The following IL22RA2 variants were observed in gnomAD, a reference collection of about 807,000 sequenced individuals.
IL22RA2 encodes the protein interleukin 22 receptor subunit alpha 2, also known as interleukin-22 receptor subunit alpha-2.
IL22RA2 carries 39 observed loss-of-function variants against 30.7 expected under a neutral mutation model. That is an observed-to-expected ratio of 1.27 (90% confidence interval 0.98 to 1.66). The LOEUF is 1.66. Among genes scored for constraint, IL22RA2 ranks in the 40% most tolerant of loss-of-function variants. The pLI is 0.00. For synonymous variants in IL22RA2, 103 were observed against 105.0 expected (o/e 0.98, Z 0.11); for missense variants, 315 against 312.7 (o/e 1.01, Z -0.05).
chr6:137,153,630 T>G (rs1429347804), intron 5 of IL22RA2, among the ~76,000 whole-genome samples: 2 of 152,212 alleles, frequency 1.3e-5, no homozygotes. Flanking sequence ...GAGCGCCTCA[T>G]GCCATTTAAC....
chr6:137,149,739 A>T (rs1459248943), intron 5 of IL22RA2, among the ~76,000 whole-genome samples: 2 of 152,186 alleles, frequency 1.3e-5, no homozygotes, highest in Non-Finnish European at 2.9e-5. Context: ...AGGAAGTCAC[A>T]ACTCCTTAAA....
At position 137,145,719 on chromosome 6, in the gene IL22RA2, G is replaced by C. The variant is rs1165831693; in HGVS notation, c.697C>G (p.Pro233Ala). 2.5e-6 allele frequency: 4 copies of C among 1,613,806 alleles called. No homozygotes were observed. The highest frequency in any genetic ancestry group is 3.4e-6 in the Non-Finnish European group (4 of 1,179,810). Residue 233 changes from proline (P) to alanine (A), a missense_variant, in exon 7 of 7, where the codon CCA (proline) becomes GCA (alanine). Physicochemically the swap from Pro to Ala is conservative, Grantham distance 27 (BLOSUM62 -1). Transcript: ENST00000296980. ...GCCACTACACAGTAGCTGGAGTGTGGTGTTAGAGCTTCAATTTCAACCGCT... is the reference window on the plus strand; with the variant it reads ...GCCACTACACAGTAGCTGGAGTGTGCTGTTAGAGCTTCAATTTCAACCGCT... ...HRAVEIEALTPHSSYCVVAEI... is the reference protein window; with the variant it reads ...HRAVEIEALTAHSSYCVVAEI...
chr6:137,164,336 G>A (rs1778585087), intron 1 of IL22RA2, among the ~76,000 whole-genome samples: 1 of 152,096 alleles, frequency 6.6e-6, no homozygotes, highest in Admixed American at 6.6e-5. Context: ...ACCTGGATCA[G>A]TTTCCGTATA....
At chr6:137,167,579 C>A (rs996595488) in intron 1 of IL22RA2, among the ~76,000 whole-genome samples, 2 of 152,206 alleles carry the variant, frequency 1.3e-5, no homozygotes, top group African/African-American at 4.8e-5. Flanking sequence ...AACAATGGAA[C>A]CCAACCACTT....
chr6:137,161,614 T>C lies in IL22RA2; in HGVS notation c.61+75A>G, dbSNP rs544840455. The C allele has an allele frequency of 1.2e-4, 149 of 1,233,210 alleles. 1 individual carries two copies. The African/African-American group carries it at 2.1e-3, about 17-fold the overall frequency. 76.4% of individuals were successfully genotyped at this position (1,233,210 alleles called of 1,614,324 possible). On this transcript the variant is annotated intron_variant, in intron 2 of 6. Coordinates refer to ENST00000296980, the MANE Select transcript of IL22RA2 (RefSeq NM_052962.3). Reference sequence around the variant, plus strand: ...TTTATAAAGTTCAAAAAAGCACCAGTGCCATTTCCAACAGATCCTTGATTG... The same window carrying C: ...TTTATAAAGTTCAAAAAAGCACCAGCGCCATTTCCAACAGATCCTTGATTG...
chr6:137,158,529 T>A, intron 2 of IL22RA2, 47 bp from the exon 3 acceptor site: 1 of 1,601,132 alleles, frequency 6.2e-7, no homozygotes, highest in Non-Finnish European at 8.5e-7. Flanking sequence ...CTTGGAGCAC[T>A]GCTGTTCCCA....
chr6:137,147,623 G>T (rs1023713299), intron 6 of IL22RA2, 99 bp downstream of exon 6: 2 of 969,458 alleles, frequency 2.1e-6, no homozygotes, highest in Admixed American at 6.5e-5. Context: ...AAAAGTAAGA[G>T]GAGGCAGAGT....
chr6:137,144,085 C>T lies in IL22RA2; in HGVS notation c.*1539G>A, dbSNP rs773889596. The T allele has an allele frequency of 1.3e-5, 2 of 152,312 alleles. No individual in the cohort carries two copies. Among genetic ancestry groups the T allele is most frequent in the African/African-American group, 2.4e-5 (1 of 41,436 alleles). 9.4% of individuals were successfully genotyped at this position (152,312 alleles called of 1,614,324 possible). A position where few individuals can be genotyped will look rare whatever the true frequency, so the allele number is the denominator to read the frequency against. ...AATGCTATTTGAAATTTTACTTACT[C>T]GCCACCCACCCCACTACTCTTAATT... On this transcript the variant is annotated 3_prime_UTR_variant, in exon 7 of 7. Coordinates refer to ENST00000296980, the MANE Select transcript of IL22RA2 (RefSeq NM_052962.3).
At chr6:137,163,879 G>A (rs1283508497) in intron 1 of IL22RA2, among the ~76,000 whole-genome samples, 2 of 152,180 alleles carry the variant, frequency 1.3e-5, no homozygotes, top group Non-Finnish European at 2.9e-5. Flanking sequence ...GGGAGGCACA[G>A]ATCTCTTAGC....
intron 1 of IL22RA2, among the ~76,000 whole-genome samples, chr6:137,167,570 A>G (rs1349925040): frequency 6.6e-6 from 1 of 152,192 alleles, no homozygotes; most frequent in Non-Finnish European, 1.5e-5. Flanking sequence ...TCTGGGTCAA[A>G]CAATGGAACC....
Position 137,144,450 on chromosome 6 carries a change from ACTAGAAAGACAAC to A in IL22RA2, c.*1161_*1173del, listed in dbSNP as rs1440674213. 3.3e-5 allele frequency: 5 copies of A among 152,222 alleles called. No homozygotes were observed. The East Asian group carries it at 9.6e-4, about 29-fold the overall frequency. 9.4% of individuals were successfully genotyped at this position (152,222 alleles called of 1,614,324 possible). ...AATGTTCTCTGATATGTATCTCCTC[ACTAGAAAGACAAC>A]CTTAAACATATATGAAGACTTAGCC... On this transcript the variant is annotated 3_prime_UTR_variant, in exon 7 of 7. Coordinates refer to ENST00000296980, the MANE Select transcript of IL22RA2 (RefSeq NM_052962.3).
intron 6 of IL22RA2, among the ~76,000 whole-genome samples, chr6:137,147,354 G>A (rs1156952035): frequency 1.3e-5 from 2 of 148,910 alleles, no homozygotes; most frequent in Non-Finnish European, 3.0e-5. Context: ...AGTGACACCT[G>A]GTCTAAAAAT....
At position 137,145,595 on chromosome 6, in the gene IL22RA2, C is replaced by A; in HGVS notation, c.*29G>T. 1 of 1,584,862 alleles carries A rather than the reference C, an allele frequency of 6.3e-7. No homozygotes were observed. The highest frequency in any genetic ancestry group is 1.2e-5 in the South Asian group (1 of 85,514). ...CTGTTCTCAGGGAGCTTTAGAATTT[C>A]CACATTGCTGAATGCCAAATTCCAC... is the stretch of plus-strand genomic sequence containing the variant. On this transcript the variant is annotated 3_prime_UTR_variant, in exon 7 of 7. Coordinates refer to ENST00000296980, the MANE Select transcript of IL22RA2 (RefSeq NM_052962.3).
chr6:137,149,808 G>T (rs1288372638), intron 5 of IL22RA2, among the ~76,000 whole-genome samples: 2 of 152,180 alleles, frequency 1.3e-5, no homozygotes, highest in African/African-American at 4.8e-5. Flanking sequence ...CTTCCTGCAT[G>T]CTCTTCTTCA....
chr6:137,170,484 AC>A (rs1414191135), intron 1 of IL22RA2, among the ~76,000 whole-genome samples: 1 of 152,230 alleles, frequency 6.6e-6, no homozygotes, highest in East Asian at 1.9e-4. Context: ...CTGCAGGGTC[AC>A]AAGACTGATA....
chr6:137,146,521 G>A (rs1336777434), intron 6 of IL22RA2, among the ~76,000 whole-genome samples: 1 of 152,158 alleles, frequency 6.6e-6, no homozygotes, highest in African/African-American at 2.4e-5. Flanking sequence ...TCCTGCCTCT[G>A]TCCCTGAGAT....
rs531802852 is a variant in IL22RA2, at chr6:137,151,786, A to G, written c.472+3155T>C. 2.0e-5 allele frequency among the ~76,000 whole-genome samples: 3 copies of G among 152,380 alleles called. No individual in the cohort carries two copies. In the East Asian group the frequency reaches 5.8e-4, roughly 29 times the overall value. On this transcript the variant is annotated intron_variant, in intron 5 of 6. Coordinates refer to ENST00000296980, the MANE Select transcript of IL22RA2 (RefSeq NM_052962.3). ...CAAGGAAGGTACAAAATAGCCAATA[A>G]GCATAAAACAGAAGCTCAACATCAT...
chr6:137,152,239 CAA>C (rs965365853), intron 5 of IL22RA2, among the ~76,000 whole-genome samples: 8 of 151,414 alleles, frequency 5.3e-5, no homozygotes, highest in Non-Finnish European at 1.2e-4. Flanking sequence ...GAAAAAAAAA[CAA>C]AAAAACTCAC....
chr6:137,159,216 G>T (rs28385769), intron 2 of IL22RA2, among the ~76,000 whole-genome samples: 1 of 152,212 alleles, frequency 6.6e-6, no homozygotes, highest in African/African-American at 2.4e-5. Context: ...GTACAACCTT[G>T]CTTGCCTTTA....
Sources: allele counts gnomAD v4.1 joint callset (sites outside exome capture counted in the v4.1 genomes callset), GRCh38; gene constraint gnomAD v4.1.1; transcripts MANE v1.5; gene names NCBI Gene and HGNC (gene_info 2026-07-23, HGNC 2026-07-21).